Variants in POLD3 observed in about 807,000 individuals in gnomAD.
POLD3 encodes DNA polymerase delta subunit 3.
Under a neutral mutation model 58.2 loss-of-function variants are expected in POLD3, and 19 were observed. The ratio of observed to expected loss-of-function variants is 0.33; its 90% CI spans 0.23 to 0.48. The LOEUF (loss-of-function observed/expected upper bound fraction) is 0.48. Ranked by LOEUF, POLD3 falls within the 20% of genes least tolerant of loss-of-function variation. The pLI is 0.99. For synonymous variants in POLD3, 172 were observed against 193.5 expected, an observed-to-expected ratio of 0.89 and a Z score of 0.92; for missense variants, 504 against 545.5, an observed-to-expected ratio of 0.92 and a Z score of 0.76.
downstream of POLD3, among the ~76,000 whole-genome samples, chr11:74,647,429 G>C (rs1393987364): frequency 1.3e-5 from 2 of 151,814 alleles, no homozygotes; most frequent in Admixed American, 6.5e-5. Flanking sequence ...CCCACATTTT[G>C]CAGAAAAGAA....
chr11:74,669,243 T>A (rs2033310679), downstream of POLD3: 1 of 160,862 alleles, frequency 6.2e-6, no homozygotes, highest in South Asian at 1.7e-4. Flanking sequence ...CACAAGAAAG[T>A]GCTTTGTAAA....
chr11:74,620,630 A>T (rs1328323500), intron 7 of POLD3, among the ~76,000 whole-genome samples: 1 of 152,230 alleles, frequency 6.6e-6, no homozygotes, highest in East Asian at 1.9e-4. Context: ...AGAAAGCAAA[A>T]ATCTTCTTTA....
At chr11:74,628,228 T>C (rs2032487805) in intron 8 of POLD3, among the ~76,000 whole-genome samples, 2 of 152,158 alleles carry the variant, frequency 1.3e-5, no homozygotes, top group Admixed American at 1.3e-4. Context: ...TCCTGATTGA[T>C]AATTTATATT....
chr11:74,668,733 G>A, intron 4 of POLD3: 1 of 1,269,596 alleles, frequency 7.9e-7, no homozygotes, highest in Non-Finnish European at 1.0e-6. Context: ...GGGAGAAAAG[G>A]GAAGATATAT....
chr11:74,631,570 C>T (rs774483174), intron 9 of POLD3, among the ~76,000 whole-genome samples: 14 of 150,322 alleles, frequency 9.3e-5, no homozygotes, highest in African/African-American at 2.7e-4. Context: ...CTGCAACCTC[C>T]GTCTCCCGGG....
chr11:74,606,369 G>A (rs7940880), intron 3 of POLD3, among the ~76,000 whole-genome samples: 63,035 of 152,018 alleles, frequency 0.41, 14,209 homozygotes, highest in Non-Finnish European at 0.51. Context: ...ATTTTCTTCT[G>A]TTTCCAGGGT....
At chr11:74,618,909 T>G in intron 6 of POLD3, 105 bp downstream of exon 6, 1 of 964,508 alleles carries the variant, frequency 1.0e-6, no homozygotes, top group Non-Finnish European at 1.5e-6. Context: ...GATTCTGATA[T>G]TCAGTTCTGA....
At chr11:74,627,938 T>C (rs1282290278) in intron 8 of POLD3, among the ~76,000 whole-genome samples, 2 of 152,190 alleles carry the variant, frequency 1.3e-5, no homozygotes, top group African/African-American at 4.8e-5. Context: ...AAGGAGTTTA[T>C]ATATACGTGT....
chr11:74,632,933 C>CACACACACACACACAG (rs2032637972), intron 9 of POLD3, among the ~76,000 whole-genome samples: 2 of 141,768 alleles, frequency 1.4e-5, no homozygotes, highest in African/African-American at 5.0e-5. Flanking sequence ...CACACACACA[C>CACACACACACACACAG]AGTTACTCTA....
At chr11:74,634,022 C>T (rs2032673919) in intron 9 of POLD3, among the ~76,000 whole-genome samples, 1 of 152,168 alleles carries the variant, frequency 6.6e-6, no homozygotes, top group Admixed American at 6.5e-5. Context: ...TGGCATGGAA[C>T]ATTTGTTATA....
intron 2 of POLD3, among the ~76,000 whole-genome samples, chr11:74,601,552 C>T (rs992791215): frequency 1.3e-5 from 2 of 152,058 alleles, no homozygotes; most frequent in African/African-American, 2.4e-5. Context: ...TTTGAGAGGC[C>T]AAGGCAGGAG....
chr11:74,593,616 C>T (rs1366087131), intron 1 of POLD3, among the ~76,000 whole-genome samples: 1 of 152,164 alleles, frequency 6.6e-6, no homozygotes, highest in African/African-American at 2.4e-5. Flanking sequence ...CGTTTCCTGA[C>T]CCCTGCACCA....
chr11:74,652,805 GC>G, intron 4 of POLD3: 1 of 165,248 alleles, frequency 6.1e-6, no homozygotes, highest in Non-Finnish European at 1.4e-5. Flanking sequence ...GGAGTTTGTT[GC>G]CATGCTTGCC....
chr11:74,620,582 G>A (rs974981875), intron 7 of POLD3, among the ~76,000 whole-genome samples: 3 of 152,144 alleles, frequency 2.0e-5, no homozygotes, highest in Non-Finnish European at 4.4e-5. Flanking sequence ...TGAATTAGAA[G>A]GGCCCAAGTA....
chr11:74,629,875 A>C (rs1344182461), intron 9 of POLD3, among the ~76,000 whole-genome samples: 1 of 152,176 alleles, frequency 6.6e-6, no homozygotes, highest in Non-Finnish European at 1.5e-5. Context: ...TATTTTGAAG[A>C]GCCAAGATCT....
chr11:74,606,089 A>G (rs1296209683), intron 3 of POLD3, among the ~76,000 whole-genome samples: 1 of 152,204 alleles, frequency 6.6e-6, no homozygotes, highest in Non-Finnish European at 1.5e-5. Flanking sequence ...TGGAACGTCA[A>G]TTTAGTAATT....
At chr11:74,617,851 C>A (rs1194088661) in intron 5 of POLD3, among the ~76,000 whole-genome samples, 1 of 152,110 alleles carries the variant, frequency 6.6e-6, no homozygotes, top group African/African-American at 2.4e-5. Context: ...CCTGAGTAAT[C>A]AGGGCTATAG....
At chr11:74,594,367 C>T (rs774756232) in intron 2 of POLD3, among the ~76,000 whole-genome samples, 1 of 152,166 alleles carries the variant, frequency 6.6e-6, no homozygotes, top group Non-Finnish European at 1.5e-5. Flanking sequence ...TACGAATCCA[C>T]CCTACTCCAA....
At chr11:74,655,562 C>T (rs1486566460) in intron 4 of POLD3, among the ~76,000 whole-genome samples, 1 of 151,606 alleles carries the variant, frequency 6.6e-6, no homozygotes, top group Non-Finnish European at 1.5e-5. Flanking sequence ...ATTTACGGAA[C>T]ACAACACTCA....
Sources: gnomAD v4.1 joint callset for allele counts (sites outside exome capture counted in the v4.1 genomes callset) on GRCh38, gnomAD v4.1.1 for gene constraint, MANE v1.5 for transcripts, NCBI Gene and HGNC (gene_info 2026-07-23, HGNC 2026-07-21) for gene names.